DAB1: variants seen among roughly 807,000 people sequenced by gnomAD.
DAB1 encodes the protein DAB adaptor protein 1, also known as disabled homolog 1.
DAB1 carries 15 observed loss-of-function variants against 64.6 expected under a neutral mutation model. The observed-to-expected ratio is 0.23, with a 90% CI of 0.16 to 0.36. DAB1 has a LOEUF of 0.36. DAB1 is among the 10% of genes least tolerant of loss of function. DAB1 has a pLI of 1.00. For missense variants in DAB1, 596 were observed against 706.7 expected (o/e 0.84, Z 1.78); for synonymous variants, 235 against 251.9 (o/e 0.93, Z 0.64).
At chr1:58,196,688 G>T (rs1274382597) in intron 4 of DAB1, among the ~76,000 whole-genome samples, 1 of 152,158 alleles carries the variant, frequency 6.6e-6, no homozygotes, top group African/African-American at 2.4e-5. Context: ...GGCAGCAGGA[G>T]AGAGGAGAGA....
intron 7 of DAB1, among the ~76,000 whole-genome samples, chr1:57,437,168 C>T (rs2101125297): frequency 6.6e-6 from 1 of 152,040 alleles, no homozygotes; most frequent in Admixed American, 6.5e-5. Flanking sequence ...GTAAGACTTT[C>T]AACTTCTTCC....
intron 5 of DAB1, among the ~76,000 whole-genome samples, chr1:57,976,671 C>G (rs897023634): frequency 6.6e-6 from 1 of 152,152 alleles, no homozygotes; most frequent in African/African-American, 2.4e-5. Context: ...TTAGCTTTCT[C>G]TGCACCGAAA....
chr1:57,168,996 C>T (rs1661470854), intron 2 of DAB1, among the ~76,000 whole-genome samples: 1 of 152,120 alleles, frequency 6.6e-6, no homozygotes, highest in African/African-American at 2.4e-5. Context: ...TTTGAGGCTG[C>T]AGTGAGCTAT....
At chr1:57,783,601 G>A (rs1312478522) in intron 6 of DAB1, among the ~76,000 whole-genome samples, 1 of 152,082 alleles carries the variant, frequency 6.6e-6, no homozygotes, top group African/African-American at 2.4e-5. Context: ...AGCAGATACT[G>A]TATTTTTTAC....
At chr1:58,240,592 C>T (rs188091572) in intron 4 of DAB1, among the ~76,000 whole-genome samples, 7 of 152,288 alleles carry the variant, frequency 4.6e-5, no homozygotes, top group Admixed American at 4.6e-4. Context: ...GACCTATATC[C>T]TAATTGCTTG....
intron 4 of DAB1, among the ~76,000 whole-genome samples, chr1:58,274,259 C>T (rs891460299): frequency 1.2e-4 from 15 of 121,514 alleles, no homozygotes; most frequent in African/African-American, 4.1e-4. Flanking sequence ...GTTGGAATAC[C>T]CTGCCGTGTG....
At chr1:58,490,028 A>C (rs1645651103) in intron 3 of DAB1, among the ~76,000 whole-genome samples, 1 of 152,264 alleles carries the variant, frequency 6.6e-6, no homozygotes. Flanking sequence ...TCTAAAAATC[A>C]GAGTGCCTCT....
chr1:58,270,397 C>G (rs1415215022), intron 4 of DAB1, among the ~76,000 whole-genome samples: 5 of 122,570 alleles, frequency 4.1e-5, no homozygotes, highest in East Asian at 5.1e-4. Context: ...TGTTTTGGTA[C>G]CAGTACCATG....
chr1:58,087,209 T>C (rs1035533571), intron 5 of DAB1, among the ~76,000 whole-genome samples: 3 of 152,158 alleles, frequency 2.0e-5, no homozygotes, highest in Non-Finnish European at 4.4e-5. Flanking sequence ...AGAGCAGGTA[T>C]CAGTACATAG....
chr1:57,400,993 T>TA (rs11462115), intron 1 of DAB1, among the ~76,000 whole-genome samples: 4,643 of 137,814 alleles, frequency 0.034, 111 homozygotes, highest in Non-Finnish European at 0.045. Context: ...AGCTCTCTCT[T>TA]AAAAAAAAAA....
At chr1:58,145,918 A>G (rs1004842009) in intron 5 of DAB1, among the ~76,000 whole-genome samples, 2 of 152,204 alleles carry the variant, frequency 1.3e-5, no homozygotes, top group African/African-American at 4.8e-5. Flanking sequence ...CACCCATGAG[A>G]TAGCAAGACT....
chr1:57,089,844 G>T (rs1048932647), intron 4 of DAB1, among the ~76,000 whole-genome samples: 3 of 152,182 alleles, frequency 2.0e-5, no homozygotes, highest in Admixed American at 2.0e-4. Context: ...TCCCAGAACT[G>T]TACTGTGACT....
intron 7 of DAB1, among the ~76,000 whole-genome samples, chr1:57,510,191 C>T (rs759757043): frequency 3.9e-5 from 6 of 152,180 alleles, no homozygotes; most frequent in African/African-American, 9.7e-5. Flanking sequence ...CTGGCTTCCA[C>T]GCCTCTCCCA....
chr1:58,290,002 G>C (rs1031935104), intron 4 of DAB1, among the ~76,000 whole-genome samples: 2 of 152,172 alleles, frequency 1.3e-5, no homozygotes, highest in South Asian at 4.1e-4. Context: ...CTTGGAATAA[G>C]AAAGAAACTC....
At chr1:57,853,659 T>C (rs1653631153) in intron 1 of DAB1, among the ~76,000 whole-genome samples, 1 of 152,238 alleles carries the variant, frequency 6.6e-6, no homozygotes, top group Non-Finnish European at 1.5e-5. Flanking sequence ...ATATGAAACA[T>C]TTCTTAAAGT....
chr1:57,626,775 C>T (rs1349265668), intron 7 of DAB1, among the ~76,000 whole-genome samples: 4 of 152,146 alleles, frequency 2.6e-5, no homozygotes, highest in South Asian at 2.1e-4. Flanking sequence ...AGGGATCTCA[C>T]TGGGATTTCT....
intron 5 of DAB1, among the ~76,000 whole-genome samples, chr1:58,125,530 C>T (rs1012664301): frequency 6.6e-6 from 1 of 151,722 alleles, no homozygotes; most frequent in Non-Finnish European, 1.5e-5. Flanking sequence ...CAGCCTCAAC[C>T]TCCCAGTCTC....
At chr1:57,801,700 C>T (rs1370029059) in intron 6 of DAB1, among the ~76,000 whole-genome samples, 1 of 151,772 alleles carries the variant, frequency 6.6e-6, no homozygotes, top group Non-Finnish European at 1.5e-5. Context: ...CTGTGTTGCC[C>T]AGGCTGGAGT....
intron 1 of DAB1, among the ~76,000 whole-genome samples, chr1:57,333,961 A>G (rs17456661): frequency 0.3 from 45,016 of 152,078 alleles, 7,098 homozygotes; most frequent in Non-Finnish European, 0.36. Flanking sequence ...GAATAACGGG[A>G]CAGAGACAAG....
Sources: gnomAD v4.1 joint callset for allele counts (sites outside exome capture counted in the v4.1 genomes callset) on GRCh38, gnomAD v4.1.1 for gene constraint, MANE v1.5 for transcripts, NCBI Gene and HGNC (gene_info 2026-07-23, HGNC 2026-07-21) for gene names.